The following PHF19 variants were observed in gnomAD, a reference collection of about 807,000 sequenced individuals.
The protein encoded by PHF19 is polycomb like 3.
A neutral mutation model predicts 79.8 loss-of-function variants in PHF19; 21 were observed. The ratio of observed to expected loss-of-function variants is 0.26; its 90% CI spans 0.19 to 0.38. PHF19 has a LOEUF of 0.38. PHF19 is among the 10% of genes least tolerant of loss of function. The pLI is 1.00. For missense variants in PHF19, 445 were observed against 744.2 expected, an observed-to-expected ratio of 0.60 and a Z score of 4.68; for synonymous variants, 273 against 296.3, an observed-to-expected ratio of 0.92 and a Z score of 0.81.
chr9:120,887,961 C>T (rs574902337), intron 1 of PHF19, among the ~76,000 whole-genome samples: 5 of 152,220 alleles, frequency 3.3e-5, no homozygotes, highest in East Asian at 1.9e-4. Flanking sequence ...TAATGACACG[C>T]GTGCACGTCT....
chr9:120,858,550 C>T (rs1252010231), intron 14 of PHF19, among the ~76,000 whole-genome samples: 1 of 152,028 alleles, frequency 6.6e-6, no homozygotes, highest in Non-Finnish European at 1.5e-5. Context: ...GAGGAGAAAA[C>T]CAGGTAGGGA....
chr9:120,880,563 A>G (rs2046164492), upstream of PHF19, among the ~76,000 whole-genome samples: 1 of 152,260 alleles, frequency 6.6e-6, no homozygotes, highest in Admixed American at 6.5e-5. Flanking sequence ...TACTGGGAGT[A>G]AAAATAAACT....
Position 120,869,443 on chromosome 9 carries a change from T to A in PHF19, c.466-113A>T. On this transcript the variant is annotated intron_variant, in intron 5 of 14. Transcript: ENST00000373896. This position sits in a 1 kb window ranked among gnomAD's most constrained non-coding sequence, Gnocchi z 5.8. ...CCAGGGCTTGGGGGACCCGCAGATA[T>A]TCCAATATAGTCAGAAAAGCAAGGA... 1 of 1,355,894 alleles carries A rather than the reference T, an allele frequency of 7.4e-7. No homozygotes were observed. The highest frequency in any genetic ancestry group is 9.9e-7 in the Non-Finnish European group (1 of 1,011,324). The allele number at this position is 1,355,894 out of a possible 1,614,324, so 84.0% of individuals were successfully genotyped here.
chr9:120,869,242 C>T lies in PHF19; in HGVS notation c.554G>A (p.Trp185Ter). 6.2e-7 allele frequency: 1 copy of T among 1,612,506 alleles called. No individual in the cohort carries two copies. Among genetic ancestry groups the T allele is most frequent in the Non-Finnish European group, 8.5e-7 (1 of 1,179,546 alleles). Residue 185 changes from tryptophan to a stop codon, truncating the protein, a stop_gained, in exon 6 of 15, where the codon TGG (tryptophan) becomes TAG (stop). Transcript: ENST00000373896. LOFTEE classifies it high-confidence loss of function. This position sits in a 1 kb window ranked among gnomAD's most constrained non-coding sequence, Gnocchi z 5.8. ...VLSYQPEELE[W>*]DSPHRTNQQQ... ...CTGGTTGGTGCGATGGGGCGAGTCC[C>T]ACTCGAGCTCCTCGGGCTGGTAGGA...
intron 3 of PHF19, among the ~76,000 whole-genome samples, chr9:120,872,209 C>CAT (rs2045924642): frequency 1.3e-5 from 2 of 152,134 alleles, no homozygotes; most frequent in Admixed American, 1.3e-4. Context: ...GAAGGTGGTG[C>CAT]CCACAGTGCA....
chr9:120,874,589 T>C lies in PHF19; in HGVS notation c.153A>G (p.Thr51=), dbSNP rs745890470. ...TEGQYVLCRW[T]DGLYYLGKIK... is the part of the protein sequence containing the mutation. ...TCTTCCCGAGGTAGTACAGGCCATC[T>C]GTCCACCGGCACAGCACATACTGGC... Residue 51 remains threonine (T), a synonymous_variant, in exon 2 of 15, where the codon ACA becomes ACG. Transcript: ENST00000373896. The surrounding 1 kb of genome is among the most constrained non-coding windows in gnomAD (Gnocchi z 4.5). The C allele has an allele frequency of 2.5e-6, 4 of 1,613,716 alleles. No individual in the cohort carries two copies. Among genetic ancestry groups the C allele is most frequent in the South Asian group, 1.1e-5 (1 of 91,080 alleles).
chr9:120,875,696 C>T (rs2046026771), intron 1 of PHF19, among the ~76,000 whole-genome samples: 1 of 152,214 alleles, frequency 6.6e-6, no homozygotes, highest in South Asian at 2.1e-4. Context: ...CTCCACTAGG[C>T]ACCTAGGGTG....
intron 1 of PHF19, among the ~76,000 whole-genome samples, chr9:120,883,069 T>A (rs1016246895): frequency 1.3e-5 from 2 of 151,968 alleles, no homozygotes; most frequent in African/African-American, 4.8e-5. Context: ...ACACCAGTTT[T>A]AAAAAAAATG....
Position 120,866,119 on chromosome 9 carries a change from G to C in PHF19, c.711-23C>G. 1 of 1,591,756 alleles carries C rather than the reference G, an allele frequency of 6.3e-7. No homozygotes were observed. The highest frequency in any genetic ancestry group is 8.6e-7 in the Non-Finnish European group (1 of 1,159,796). ...AACCTGTGGGTGGGTAGAGACGGGG[G>C]CCTATGGTGGGAGGGGCTCTGACAC... On this transcript the variant is annotated intron_variant, in intron 7 of 14. Transcript: ENST00000373896. This position sits in a 1 kb window ranked among gnomAD's most constrained non-coding sequence, Gnocchi z 5.2.
intron 3 of PHF19, among the ~76,000 whole-genome samples, chr9:120,872,038 A>AAAAAAAAAG (rs1564506455): frequency 1.7e-4 from 9 of 52,564 alleles, no homozygotes; most frequent in Non-Finnish European, 3.5e-4. Flanking sequence ...ACTCTGTCTC[A>AAAAAAAAAG]AAAAAAAAAA....
Position 120,866,997 on chromosome 9 carries a change from G to A in PHF19, c.615-32C>T, listed in dbSNP as rs754570079. 2.3e-6 allele frequency: 3 copies of A among 1,301,048 alleles called. No individual in the cohort carries two copies. The highest frequency in any genetic ancestry group is 3.4e-6 in the Non-Finnish European group (3 of 894,794). The allele number at this position is 1,301,048 out of a possible 1,614,324, so 80.6% of individuals were successfully genotyped here. ...AGACAGAGGAGCCAAGGTCAGCCAGGACCACACCCCCAGTCAGGTATGAGC... is the reference window on the plus strand; with the variant it reads ...AGACAGAGGAGCCAAGGTCAGCCAGAACCACACCCCCAGTCAGGTATGAGC... On this transcript the variant is annotated intron_variant, in intron 6 of 14. Coordinates refer to ENST00000373896, the MANE Select transcript of PHF19 (RefSeq NM_015651.3). The surrounding 1 kb of genome is among the most constrained non-coding windows in gnomAD (Gnocchi z 5.2).
upstream of PHF19, among the ~76,000 whole-genome samples, chr9:120,881,674 G>A (rs1170767230): frequency 6.6e-6 from 1 of 152,140 alleles, no homozygotes; most frequent in East Asian, 1.9e-4. Flanking sequence ...AGCAGAGGAG[G>A]TTTTGATGAT....
At chr9:120,865,226 T>A (rs938695931) in intron 9 of PHF19, among the ~76,000 whole-genome samples, 5 of 151,928 alleles carry the variant, frequency 3.3e-5, no homozygotes, top group African/African-American at 1.2e-4. Flanking sequence ...CCCGTGGGAG[T>A]GATTAGGGAG....
intron 10 of PHF19, 152 bp downstream of exon 10, chr9:120,863,897 G>GTC: frequency 1.4e-6 from 1 of 697,342 alleles, no homozygotes; most frequent in Non-Finnish European, 2.5e-6. Flanking sequence ...AAAGGAGGTG[G>GTC]GGTACCCCCT....
the PHF19 span, chr9:120,902,915 T>C: frequency 6.6e-6 from 1 of 152,254 alleles, no homozygotes; most frequent in African/African-American, 2.4e-5. Flanking sequence ...GCTGAAAGAA[T>C]GGCTGCATCT....
upstream of PHF19, among the ~76,000 whole-genome samples, chr9:120,881,555 C>T (rs546333770): frequency 6.6e-6 from 1 of 152,242 alleles, no homozygotes; most frequent in Admixed American, 6.5e-5. Flanking sequence ...GTGGTTGATC[C>T]ATAGTTGTTC....
upstream of PHF19, among the ~76,000 whole-genome samples, chr9:120,878,829 C>G (rs1444185684): frequency 6.6e-6 from 1 of 152,162 alleles, no homozygotes; most frequent in African/African-American, 2.4e-5. Flanking sequence ...TTTTCAAGTC[C>G]CAAAGGGGCC....
At chr9:120,893,617 TG>T (rs2046369021) in intron 1 of PHF19, among the ~76,000 whole-genome samples, 1 of 152,210 alleles carries the variant, frequency 6.6e-6, no homozygotes, top group African/African-American at 2.4e-5. Flanking sequence ...AACGGTTCCT[TG>T]ACCTTTTGCT....
At chr9:120,896,301 C>T (rs926448000), upstream of PHF19, among the ~76,000 whole-genome samples, 1 of 152,192 alleles carries the variant, frequency 6.6e-6, no homozygotes, top group Admixed American at 6.5e-5. Flanking sequence ...ATTTAATCCT[C>T]TAACCACTCT....
Sources: gnomAD v4.1 joint callset for allele counts (sites outside exome capture counted in the v4.1 genomes callset) on GRCh38, gnomAD v4.1.1 for gene constraint, Gnocchi (gnomAD v3.1) non-coding constraint, MANE v1.5 for transcripts, NCBI Gene and HGNC (gene_info 2026-07-23, HGNC 2026-07-21) for gene names.